The following WDR59 variants were observed in gnomAD, a reference collection of about 807,000 sequenced individuals.
WDR59 encodes GATOR2 complex protein WDR59.
WDR59 carries 100 observed loss-of-function variants against 131.2 expected under a neutral mutation model. That is an observed-to-expected ratio of 0.76 (90% CI 0.65 to 0.90). The LOEUF (loss-of-function observed/expected upper bound fraction) is 0.90. Among genes scored for constraint, WDR59 ranks in the 40% least tolerant of loss-of-function variants. WDR59 has a pLI of 0.00. For missense variants in WDR59, 1,203 were observed against 1,262.2 expected (o/e 0.95, Z 0.71); for synonymous variants, 601 against 466.2 (o/e 1.29, Z -3.72).
chr16:74,904,032 G>T lies in WDR59; in HGVS notation c.1781C>A (p.Pro594His). ...CCCACTGTATAAACGAAGGTTCCCA[G>T]GGGCCTCTGTGCGGATCTTCATGGG... ...IAPMKIRTEA[P>H]GNLRLYSGSP... Residue 594 changes from proline (P) to histidine (H), a missense_variant, in exon 18 of 26, where the codon CCT (proline) becomes CAT (histidine). Transcript: ENST00000262144. 1 of 1,613,106 alleles carries T rather than the reference G, an allele frequency of 6.2e-7. No homozygotes were observed. The highest frequency in any genetic ancestry group is 8.5e-7 in the Non-Finnish European group (1 of 1,179,732).
In WDR59 at chr16:74,871,387, G is replaced by A. The variant is rs1220126049; in HGVS notation, c.*2822C>T. On this transcript the variant is annotated 3_prime_UTR_variant, in exon 26 of 26. Transcript: ENST00000262144. ...TCAGGTGCTTGTAATCATCTATTCTGCGGCTGAGAGAATATCGGCCATGGC... is the reference window on the plus strand; with the variant it reads ...TCAGGTGCTTGTAATCATCTATTCTACGGCTGAGAGAATATCGGCCATGGC... 6.6e-6 allele frequency: 1 copy of A among 152,182 alleles called. No individual in the cohort carries two copies. Among genetic ancestry groups the A allele is most frequent in the Non-Finnish European group, 1.5e-5 (1 of 68,044 alleles). 9.4% of individuals were successfully genotyped at this position (152,182 alleles called of 1,614,324 possible). A position where few individuals can be genotyped will look rare whatever the true frequency, so the allele number is the denominator to read the frequency against.
chr16:74,959,005 G>A (rs898198391), intron 2 of WDR59, among the ~76,000 whole-genome samples: 1 of 152,152 alleles, frequency 6.6e-6, no homozygotes, highest in African/African-American at 2.4e-5. Flanking sequence ...GATGCAGTGA[G>A]CCGAGATCGC....
At chr16:74,954,157 C>T (rs564276513) in intron 3 of WDR59, among the ~76,000 whole-genome samples, 27 of 152,234 alleles carry the variant, frequency 1.8e-4, no homozygotes, top group African/African-American at 6.3e-4. Flanking sequence ...GCCTGTAATC[C>T]AAGCACTTTG....
chr16:74,958,801 G>A (rs1400213039), intron 2 of WDR59, among the ~76,000 whole-genome samples: 1 of 150,846 alleles, frequency 6.6e-6, no homozygotes, highest in Admixed American at 6.7e-5. Flanking sequence ...AGTGGCCCAC[G>A]CCTATAATCC....
intron 1 of WDR59, 83 bp from the exon 2 acceptor site, chr16:74,965,905 C>T: frequency 6.7e-7 from 1 of 1,497,580 alleles, no homozygotes. Flanking sequence ...TCTTCCTCTT[C>T]CTGTCTCCCA....
chr16:74,901,651 T>C (rs751975890), intron 18 of WDR59, among the ~76,000 whole-genome samples: 1 of 135,826 alleles, frequency 7.4e-6, no homozygotes, highest in Admixed American at 7.5e-5. Context: ...CCCCATCTCT[T>C]AAAAAAAAAA....
chr16:74,892,162 C>G (rs1474337734), intron 20 of WDR59, among the ~76,000 whole-genome samples: 1 of 152,056 alleles, frequency 6.6e-6, no homozygotes, highest in African/African-American at 2.4e-5. Context: ...TAAAATGAAG[C>G]ATTTTAGAAA....
chr16:74,936,891 C>T (rs1484759006), intron 8 of WDR59, among the ~76,000 whole-genome samples: 1 of 152,038 alleles, frequency 6.6e-6, no homozygotes, highest in Non-Finnish European at 1.5e-5. Context: ...AAAAAAGTCA[C>T]ATCTGACACA....
intron 3 of WDR59, among the ~76,000 whole-genome samples, chr16:74,953,235 G>A (rs960433834): frequency 6.6e-6 from 1 of 152,178 alleles, no homozygotes; most frequent in Non-Finnish European, 1.5e-5. Context: ...ACTTTGGGAA[G>A]CTGAGGCAGG....
chr16:74,975,454 G>A (rs979623261), intron 1 of WDR59, among the ~76,000 whole-genome samples: 1 of 152,104 alleles, frequency 6.6e-6, no homozygotes, highest in African/African-American at 2.4e-5. Flanking sequence ...CCTAAGGTCA[G>A]GAGTTTGAGA....
intron 6 of WDR59, among the ~76,000 whole-genome samples, chr16:74,947,940 G>C (rs1198626366): frequency 6.6e-6 from 1 of 152,078 alleles, no homozygotes; most frequent in African/African-American, 2.4e-5. Flanking sequence ...TGTGGTGGCA[G>C]GCGCCTGTAA....
In WDR59 at chr16:74,886,318, T is replaced by C; in HGVS notation, c.2498A>G (p.Tyr833Cys). 1 of 1,614,050 alleles carries C rather than the reference T, an allele frequency of 6.2e-7. No individual in the cohort carries two copies. The highest frequency in any genetic ancestry group is 8.5e-7 in the Non-Finnish European group (1 of 1,179,996). Residue 833 changes from tyrosine (Y) to cysteine (C), a missense_variant, in exon 24 of 26, where the codon TAC (tyrosine) becomes TGC (cysteine). Tyr to Cys is a radical substitution (Grantham distance 194). Transcript: ENST00000262144. ...PEELRFGSLT[Y>C]SDPRERERDQ... ...GCGTTCTCGCTCACGGGGATCACTG[T>C]AGGTCAGACTCCCAAAGCGGAGCTC...
At chr16:74,898,227 G>A (rs72798623) in intron 18 of WDR59, among the ~76,000 whole-genome samples, 37,821 of 152,074 alleles carry the variant, frequency 0.25, 4,957 homozygotes, top group Middle Eastern at 0.27. Context: ...AGGTGTGGTT[G>A]ATCTTTCTGC....
intron 3 of WDR59, among the ~76,000 whole-genome samples, chr16:74,953,220 C>G (rs2033102418): frequency 6.6e-6 from 1 of 152,124 alleles, no homozygotes; most frequent in Non-Finnish European, 1.5e-5. Flanking sequence ...GCCTGTAATC[C>G]CAGCACTTTG....
chr16:74,984,700 A>C, intron 1 of WDR59: 1 of 513,944 alleles, frequency 1.9e-6, no homozygotes, highest in African/African-American at 1.9e-5. Flanking sequence ...CACGATGCGC[A>C]GTCTCTGCCT....
rs535566390 is a variant in WDR59 at position 74,882,709 on chromosome 16, T to C, written c.2689+2944A>G. Among the ~76,000 whole-genome samples, 241 of 144,490 alleles carry C rather than the reference T, an allele frequency of 1.7e-3. 2 individuals carry two copies. Among genetic ancestry groups the C allele is most frequent in the Admixed American group, 0.013 (178 of 14,026 alleles). 94.8% of individuals were successfully genotyped at this position (144,490 alleles called of 152,430 possible). A position where few individuals can be genotyped will look rare whatever the true frequency, so the allele number is the denominator to read the frequency against. On this transcript the variant is annotated intron_variant, in intron 25 of 25. Coordinates refer to ENST00000262144, the MANE Select transcript of WDR59 (RefSeq NM_030581.4). ...CTGTAGTCTCAGCCACTTGGGGAGG[T>C]TGAGGTGTGAGAATCACTTGAACTT...
At chr16:74,941,018 A>G (rs1216929409) in intron 7 of WDR59, among the ~76,000 whole-genome samples, 1 of 151,706 alleles carries the variant, frequency 6.6e-6, no homozygotes, top group Non-Finnish European at 1.5e-5. Flanking sequence ...ATGCTGTTAT[A>G]GTGACAAACT....
chr16:74,968,050 G>C (rs2033843978), intron 1 of WDR59, among the ~76,000 whole-genome samples: 1 of 152,094 alleles, frequency 6.6e-6, no homozygotes, highest in Non-Finnish European at 1.5e-5. Context: ...AGATGCAAAA[G>C]GACAAACATT....
chr16:74,981,631 TATATATATATATATATATATATA>T (rs1470680559), intron 1 of WDR59, among the ~76,000 whole-genome samples: 2 of 5,798 alleles, frequency 3.4e-4, no homozygotes, highest in East Asian at 0.017. Context: ...TATATATATA[TATATATATATATATATATATATA>T]TATATATTTT....
Sources: allele counts gnomAD v4.1 joint callset (sites outside exome capture counted in the v4.1 genomes callset), GRCh38; gene constraint gnomAD v4.1.1; transcripts MANE v1.5; gene names NCBI Gene and HGNC (gene_info 2026-07-23, HGNC 2026-07-21).